Variants in LRSAM1 observed in about 807,000 individuals in gnomAD.
The protein encoded by LRSAM1 is E3 ubiquitin-protein ligase LRSAM1.
A neutral mutation model predicts 118.1 loss-of-function variants in LRSAM1; 96 were observed. That is an observed-to-expected ratio of 0.81 (90% confidence interval 0.69 to 0.96). The LOEUF (loss-of-function observed/expected upper bound fraction) is 0.96. LRSAM1 is among the 40% of genes least tolerant of loss of function. The probability of loss-of-function intolerance (pLI) is 0.00; values close to 1 mark genes in which losing one functional copy is unlikely to be tolerated. For missense variants in LRSAM1, 804 were observed against 915.5 expected (o/e 0.88, Z 1.57); for synonymous variants, 322 against 364.2 (o/e 0.88, Z 1.32).
chr9:127,489,337 C>T (rs1330106873), intron 18 of LRSAM1, 107 bp from the exon 19 acceptor site: 1 of 1,309,372 alleles, frequency 7.6e-7, no homozygotes, highest in South Asian at 1.3e-5. Flanking sequence ...CAGAAAAAAC[C>T]CATCCATTAA....
chr9:127,495,474 G>C (rs934976360), intron 22 of LRSAM1, 56 bp downstream of exon 22: 1 of 1,471,160 alleles, frequency 6.8e-7, no homozygotes, highest in Non-Finnish European at 9.5e-7. Context: ...TCCTCCCAGA[G>C]GCGCCTGTGG....
chr9:127,495,847 A>G, intron 22 of LRSAM1, 117 bp from the exon 23 acceptor site: 1 of 1,479,074 alleles, frequency 6.8e-7, no homozygotes, highest in Non-Finnish European at 9.1e-7. Flanking sequence ...TTTTGTAGGA[A>G]AAATCCCGAG....
At position 127,487,656 on chromosome 9, in the gene LRSAM1, A is replaced by G. The variant is rs897307403; in HGVS notation, c.1260-20A>G. On this transcript the variant is annotated intron_variant, in intron 17 of 25. Coordinates refer to ENST00000300417, the MANE Select transcript of LRSAM1 (RefSeq NM_001005373.4). ...CGGGAAACGTTCCAAGAATGAATGAATTTGCTGTCTTTCTGGCAGCATGGC... is the reference window on the plus strand; with the variant it reads ...CGGGAAACGTTCCAAGAATGAATGAGTTTGCTGTCTTTCTGGCAGCATGGC... The G allele has an allele frequency of 6.2e-7, 1 of 1,610,210 alleles. No homozygotes were observed. The highest frequency in any genetic ancestry group is 8.5e-7 in the Non-Finnish European group (1 of 1,177,806).
In LRSAM1 at chr9:127,479,452, C is replaced by G; in HGVS notation, c.850C>G (p.Leu284Val). 1 of 1,614,108 alleles carries G rather than the reference C, an allele frequency of 6.2e-7. No individual in the cohort carries two copies. Residue 284 changes from leucine (L) to valine (V), a missense_variant, in exon 13 of 26, where the codon CTC becomes GTC. Transcript: ENST00000300417. ...LELGQREHTQ[L>V]LQQSSSQKDE... ...ACTGGGGCAGCGGGAGCACACCCAG[C>G]TCCTTCAGCAGAGCAGCAGCCAGAA... is the stretch of plus-strand genomic sequence containing the variant.
chr9:127,479,676 G>T (rs1031894545), intron 13 of LRSAM1, among the ~76,000 whole-genome samples, 163 bp from the exon 14 acceptor site: 1 of 152,158 alleles, frequency 6.6e-6, no homozygotes, highest in Non-Finnish European at 1.5e-5. Flanking sequence ...CAGCCTCCCC[G>T]TGTGCAGATG....
chr9:127,476,588 AACAG>A (rs1421903891), intron 11 of LRSAM1, among the ~76,000 whole-genome samples: 2 of 152,124 alleles, frequency 1.3e-5, no homozygotes, highest in African/African-American at 4.8e-5. Context: ...AAAAAAAGGA[AACAG>A]ACAGGTAGTT....
intron 12 of LRSAM1, 130 bp downstream of exon 12, chr9:127,479,093 A>ACT: frequency 1.1e-6 from 1 of 906,404 alleles, no homozygotes; most frequent in Admixed American, 2.6e-5. Flanking sequence ...TTCCTCTTAC[A>ACT]CGCAGTCTGC....
At position 127,454,497 on chromosome 9, in the gene LRSAM1, G is replaced by T; in HGVS notation, c.-31G>T. On this transcript the variant is annotated splice_region_variant and 5_prime_UTR_variant, in exon 3 of 26. Transcript: ENST00000300417. ...CCTAACTTCTCTCCTGTGCCCCAGG[G>T]TCCTAAAGATCGCTCTGGGAAAAGG... 1.2e-6 allele frequency: 2 copies of T among 1,613,430 alleles called. No homozygotes were observed. Among genetic ancestry groups the T allele is most frequent in the Non-Finnish European group, 1.7e-6 (2 of 1,179,506 alleles).
rs1166869113 is a variant in LRSAM1, at chr9:127,465,636, C to T, written c.529-2104C>T. On this transcript the variant is annotated intron_variant, in intron 9 of 25. Transcript: ENST00000300417. This position sits in a 1 kb window ranked among gnomAD's most constrained non-coding sequence, Gnocchi z 4.1. ...CAAAGCACGTTCACTCAACACCCAC[C>T]GTGTGAGGGCTGGGCTGGCCAGGGC... 6.6e-6 allele frequency among the ~76,000 whole-genome samples: 1 copy of T among 152,228 alleles called. No individual in the cohort carries two copies. Among genetic ancestry groups the T allele is most frequent in the Non-Finnish European group, 1.5e-5 (1 of 68,036 alleles).
At chr9:127,454,047 A>G (rs556521862) in intron 2 of LRSAM1, 4 of 183,592 alleles carry the variant, frequency 2.2e-5, no homozygotes, top group Admixed American at 1.7e-4. Flanking sequence ...ATGGAACTCA[A>G]TAGAAAGACG....
intron 11 of LRSAM1, among the ~76,000 whole-genome samples, chr9:127,475,457 C>T (rs1044819631): frequency 3.3e-5 from 5 of 151,994 alleles, no homozygotes; most frequent in Admixed American, 1.3e-4. Context: ...CGCCACTGCA[C>T]TCCAGCCTGT....
In LRSAM1 at chr9:127,486,156, C is replaced by T. The variant is rs190679806; in HGVS notation, c.1259+321C>T. Among the ~76,000 whole-genome samples, 9 of 152,352 alleles carry T rather than the reference C, an allele frequency of 5.9e-5. No individual in the cohort carries two copies. The East Asian group carries it at 1.3e-3, about 23-fold the overall frequency. On this transcript the variant is annotated intron_variant, in intron 17 of 25. Coordinates refer to ENST00000300417, the MANE Select transcript of LRSAM1 (RefSeq NM_001005373.4). Reference sequence around the variant, plus strand: ...ATTGTTATTAGCCCGATTTCACAATCGCAACTCAGGTTCTGAGAAACTGTA... The same window carrying T: ...ATTGTTATTAGCCCGATTTCACAATTGCAACTCAGGTTCTGAGAAACTGTA...
rs1244043154 is a variant in LRSAM1, at chr9:127,462,258, A to T, written c.413A>T (p.Lys138Met). The change falls in exon 9 of 26, where the codon AAG becomes ATG. Residue 138 changes from lysine to methionine, a missense_variant. Physicochemically the swap from Lys to Met is moderately conservative, Grantham distance 95 (BLOSUM62 -1). Coordinates refer to ENST00000300417, the MANE Select transcript of LRSAM1 (RefSeq NM_001005373.4). ...GCTATTGGGGTCTCTGCAGACAACA[A>T]GCTGAAGGAGCTTCCAGACACCGTG... ...QLQTLNVKDN[K>M]LKELPDTVGE... is the part of the protein sequence containing the mutation. 3 of 1,614,048 alleles carry T rather than the reference A, an allele frequency of 1.9e-6. No homozygotes were observed. Among genetic ancestry groups the T allele is most frequent in the Non-Finnish European group, 1.7e-6 (2 of 1,179,978 alleles).
intron 9 of LRSAM1, 129 bp downstream of exon 9, chr9:127,462,502 T>C: frequency 6.8e-7 from 1 of 1,470,184 alleles, no homozygotes; most frequent in Non-Finnish European, 9.5e-7. Context: ...GCATGGTCCT[T>C]GGAGGCTTGT....
intron 9 of LRSAM1, among the ~76,000 whole-genome samples, chr9:127,467,336 C>T (rs1359556349): frequency 6.6e-6 from 1 of 152,194 alleles, no homozygotes; most frequent in African/African-American, 2.4e-5. Flanking sequence ...TATGTGCCAT[C>T]CACTGCGCGT....
At chr9:127,478,299 T>C (rs1835411348) in intron 11 of LRSAM1, among the ~76,000 whole-genome samples, 1 of 152,196 alleles carries the variant, frequency 6.6e-6, no homozygotes, top group East Asian at 1.9e-4. Context: ...CTGTCCTTCT[T>C]GACCTTTGAC....
intron 20 of LRSAM1, among the ~76,000 whole-genome samples, chr9:127,491,818 T>TGGATGCCTG (rs1835944960): frequency 6.6e-6 from 1 of 152,184 alleles, no homozygotes; most frequent in Non-Finnish European, 1.5e-5. Context: ...CGTCCTGGAC[T>TGGATGCCTG]GGATGCCTGG....
chr9:127,458,206 C>T (rs1834593197), intron 6 of LRSAM1, among the ~76,000 whole-genome samples: 1 of 151,906 alleles, frequency 6.6e-6, no homozygotes, highest in Non-Finnish European at 1.5e-5. Context: ...CATGGTGAAA[C>T]CCCGTCTCTA....
At chr9:127,495,283 A>T in intron 21 of LRSAM1, 37 bp from the exon 22 acceptor site, 1 of 1,594,994 alleles carries the variant, frequency 6.3e-7, no homozygotes, top group Non-Finnish European at 8.6e-7. Flanking sequence ...TTTTATTACC[A>T]TTTTGTGACT....
Sources: allele counts gnomAD v4.1 joint callset (sites outside exome capture counted in the v4.1 genomes callset), GRCh38; gene constraint gnomAD v4.1.1; non-coding constraint Gnocchi (gnomAD v3.1); transcripts MANE v1.5; gene names NCBI Gene and HGNC (gene_info 2026-07-23, HGNC 2026-07-21).